Variants in PCNP observed in about 807,000 individuals in gnomAD.
PCNP encodes the protein PEST proteolytic signal-containing nuclear protein.
PCNP carries 6 observed loss-of-function variants against 21.8 expected under a neutral mutation model. The observed-to-expected ratio is 0.28, with a 90% confidence interval of 0.15 to 0.54. PCNP has a LOEUF of 0.54. PCNP is among the 20% of genes least tolerant of loss of function. The probability of loss-of-function intolerance (pLI) is 0.95; values close to 1 mark genes in which losing one functional copy is unlikely to be tolerated. For missense variants in PCNP, 161 were observed against 215.5 expected, an observed-to-expected ratio of 0.75 and a Z score of 1.58; for synonymous variants, 67 against 73.2, an observed-to-expected ratio of 0.92 and a Z score of 0.43.
intron 2 of PCNP, among the ~76,000 whole-genome samples, chr3:101,583,983 G>A (rs1935367687): frequency 6.6e-6 from 1 of 152,004 alleles, no homozygotes; most frequent in Non-Finnish European, 1.5e-5. Context: ...ATTTCTGACA[G>A]TAGTCCAGGC....
chr3:101,592,588 ATAT>A, intron 4 of PCNP, 36 bp from the exon 5 acceptor site: 1 of 1,533,658 alleles, frequency 6.5e-7, no homozygotes, highest in East Asian at 2.3e-5. Context: ...GAAAGGCTTT[ATAT>A]AACATTTTAA....
chr3:101,578,953 A>G (rs1017679406), intron 1 of PCNP, among the ~76,000 whole-genome samples: 2 of 152,196 alleles, frequency 1.3e-5, no homozygotes, highest in East Asian at 1.9e-4. Context: ...TTAGTCTCAT[A>G]TAACAGACCC....
rs957704618 is a variant in PCNP, at chr3:101,593,427, A to G, written c.*674A>G. 2 of 152,676 alleles carry G rather than the reference A, an allele frequency of 1.3e-5. No individual in the cohort carries two copies. Among genetic ancestry groups the G allele is most frequent in the Non-Finnish European group, 2.9e-5 (2 of 67,978 alleles). 9.5% of individuals were successfully genotyped at this position (152,676 alleles called of 1,614,324 possible). Reference sequence around the variant, plus strand: ...CTTCATTAGTCTTCAAAGAAAAACCATTTGCTACCAAAGTAAATCAGTATT... The same window carrying G: ...CTTCATTAGTCTTCAAAGAAAAACCGTTTGCTACCAAAGTAAATCAGTATT... On this transcript the variant is annotated 3_prime_UTR_variant, in exon 5 of 5. Coordinates refer to ENST00000265260, the MANE Select transcript of PCNP (RefSeq NM_020357.3).
At chr3:101,584,510 A>C (rs1165741882) in intron 2 of PCNP, among the ~76,000 whole-genome samples, 3 of 152,206 alleles carry the variant, frequency 2.0e-5, no homozygotes, top group Non-Finnish European at 4.4e-5. Flanking sequence ...TTGGGAGAAT[A>C]ACCAGTAAAA....
intron 1 of PCNP, among the ~76,000 whole-genome samples, chr3:101,578,275 A>G (rs1485486616): frequency 6.6e-6 from 1 of 152,234 alleles, no homozygotes; most frequent in Admixed American, 6.5e-5. Flanking sequence ...AGCTACAAAT[A>G]GAATACAGAA....
At chr3:101,589,444 C>T (rs1405568194) in intron 3 of PCNP, among the ~76,000 whole-genome samples, 1 of 148,258 alleles carries the variant, frequency 6.7e-6, no homozygotes, top group Non-Finnish European at 1.5e-5. Flanking sequence ...GAGTTTCACT[C>T]ATGTCACCCA....
intron 1 of PCNP, among the ~76,000 whole-genome samples, chr3:101,576,091 CA>C (rs1934864753): frequency 6.6e-6 from 1 of 152,074 alleles, no homozygotes; most frequent in Non-Finnish European, 1.5e-5. Flanking sequence ...ATGGATATTG[CA>C]AAATTGGTAA....
chr3:101,588,087 T>C (rs1190538239), intron 3 of PCNP, among the ~76,000 whole-genome samples: 3 of 152,072 alleles, frequency 2.0e-5, no homozygotes, highest in African/African-American at 7.2e-5. Context: ...CTGGCTAACA[T>C]GGTGAAACCC....
chr3:101,578,569 C>T (rs1935051917), intron 1 of PCNP, among the ~76,000 whole-genome samples: 1 of 152,182 alleles, frequency 6.6e-6, no homozygotes, highest in African/African-American at 2.4e-5. Flanking sequence ...AACTTTTACT[C>T]CTTGTCCAAA....
rs767097629 is a variant in PCNP, at chr3:101,592,709, A to C, written c.493A>C (p.Asn165His). The change falls in exon 5 of 5, where the codon AAT becomes CAT. Residue 165 changes from asparagine to histidine, a missense_variant. Coordinates refer to ENST00000265260, the MANE Select transcript of PCNP (RefSeq NM_020357.3). ...FSDNQKLWER[N>H]IKSHLGNVHD... is the part of the protein sequence containing the mutation. Reference sequence around the variant, plus strand: ...TGATAACCAGAAGCTGTGGGAGCGAAATATAAAATCTCATCTTGGAAATGT... The same window carrying C: ...TGATAACCAGAAGCTGTGGGAGCGACATATAAAATCTCATCTTGGAAATGT... The C allele has an allele frequency of 7.4e-6, 12 of 1,613,536 alleles. No individual in the cohort carries two copies. The Admixed American group carries it at 1.3e-4, about 18-fold the overall frequency.
intron 2 of PCNP, among the ~76,000 whole-genome samples, chr3:101,582,411 A>G (rs1207417323): frequency 1.3e-5 from 2 of 152,218 alleles, no homozygotes; most frequent in Non-Finnish European, 2.9e-5. Context: ...AGATTGTGCC[A>G]CTGCACTCCA....
rs1438805724 is a variant in PCNP at position 101,594,088 on chromosome 3, T to G, written c.*1335T>G. ...AGACTGTTTTATTGGTGGTAGCTGC[T>G]TGCTGAGGTCTTTTAGTTGGTAATA... On this transcript the variant is annotated 3_prime_UTR_variant, in exon 5 of 5. Coordinates refer to ENST00000265260, the MANE Select transcript of PCNP (RefSeq NM_020357.3). The G allele has an allele frequency of 6.6e-6, 1 of 152,460 alleles. No homozygotes were observed. The highest frequency in any genetic ancestry group is 2.4e-5 in the African/African-American group (1 of 41,466). The allele number at this position is 152,460 out of a possible 1,614,324, so 9.4% of individuals were successfully genotyped here. A position where few individuals can be genotyped will look rare whatever the true frequency, so the allele number is the denominator to read the frequency against.
intron 1 of PCNP, chr3:101,576,469 A>T: frequency 2.0e-6 from 3 of 1,504,636 alleles, no homozygotes; most frequent in Non-Finnish European, 2.7e-6. Flanking sequence ...ACTATTTATT[A>T]ACAGACAAGG....
At chr3:101,581,655 A>C (rs79685482) in intron 2 of PCNP, among the ~76,000 whole-genome samples, 21,538 of 151,924 alleles carry the variant, frequency 0.14, 1,569 homozygotes, top group South Asian at 0.2. Context: ...GCTGGTCTCA[A>C]ACTCCTGACC....
At chr3:101,586,406 A>G (rs1935508328) in intron 3 of PCNP, among the ~76,000 whole-genome samples, 1 of 152,058 alleles carries the variant, frequency 6.6e-6, no homozygotes, top group Admixed American at 6.6e-5. Flanking sequence ...AGTTTCAAGC[A>G]TGATTCTGAC....
rs775781585 is a variant in PCNP, at chr3:101,574,346, G to C, written c.64+67G>C. On this transcript the variant is annotated intron_variant, in intron 1 of 4. Transcript: ENST00000265260. ...GGGCCTTTCTTTGAGCTCCCAGGGT[G>C]GGGGGAGTGGGGTGGGGCGAGAATG... The C allele has an allele frequency of 6.3e-5, 92 of 1,469,500 alleles. 1 individual carries two copies. The highest frequency in any genetic ancestry group is 7.1e-5 in the Non-Finnish European group (78 of 1,091,756). 91.0% of individuals were successfully genotyped at this position (1,469,500 alleles called of 1,614,324 possible).
At chr3:101,580,378 C>G (rs1420048579) in intron 2 of PCNP, among the ~76,000 whole-genome samples, 6 of 151,462 alleles carry the variant, frequency 4.0e-5, no homozygotes, top group African/African-American at 1.5e-4. Flanking sequence ...CCAGTCTGGG[C>G]AACATAGCAA....
At chr3:101,575,478 CTTT>C (rs1179634132) in intron 1 of PCNP, among the ~76,000 whole-genome samples, 1 of 142,546 alleles carries the variant, frequency 7.0e-6, no homozygotes. Flanking sequence ...CACCCCCTGT[CTTT>C]TTTTTTTTTT....
chr3:101,584,304 T>TA lies in PCNP; in HGVS notation c.280-1124dup, dbSNP rs933592427. Among the ~76,000 whole-genome samples the TA allele has an allele frequency of 7.2e-5, 11 of 152,042 alleles. No individual in the cohort carries two copies. The South Asian group carries it at 1.7e-3, about 23-fold the overall frequency. On this transcript the variant is annotated intron_variant, in intron 2 of 4. Coordinates refer to ENST00000265260, the MANE Select transcript of PCNP (RefSeq NM_020357.3). ...ACAAAATTCTGGTTGTCTGCTAATT[T>TA]AAAAAAAAATTTTTTTAGAGATGGG...
Sources: gnomAD v4.1 joint callset for allele counts (sites outside exome capture counted in the v4.1 genomes callset) on GRCh38, gnomAD v4.1.1 for gene constraint, MANE v1.5 for transcripts, NCBI Gene and HGNC (gene_info 2026-07-23, HGNC 2026-07-21) for gene names.